Variants in CFAP20DC observed in about 807,000 individuals in gnomAD.
The protein encoded by CFAP20DC is protein CFAP20DC.
A neutral mutation model predicts 101.7 loss-of-function variants in CFAP20DC; 84 were observed. That is an observed-to-expected ratio of 0.83 (90% CI 0.69 to 0.99). The LOEUF is 0.99. Ranked by LOEUF, CFAP20DC falls within the 50% of genes least tolerant of loss-of-function variation. CFAP20DC has a pLI of 0.00. For synonymous variants in CFAP20DC, 359 were observed against 351.2 expected (o/e 1.02, Z -0.25); for missense variants, 1,007 against 970.3 (o/e 1.04, Z -0.50).
intron 14 of CFAP20DC, among the ~76,000 whole-genome samples, chr3:58,830,141 T>TAATGA (rs2076299313): frequency 6.6e-6 from 1 of 152,174 alleles, no homozygotes; most frequent in Non-Finnish European, 1.5e-5. Flanking sequence ...TAGTTGTGTT[T>TAATGA]AATGAAAGCA....
chr3:58,717,138 T>C (rs777972312), downstream of CFAP20DC, among the ~76,000 whole-genome samples: 1 of 151,708 alleles, frequency 6.6e-6, no homozygotes, highest in Admixed American at 6.6e-5. This position sits in a 1 kb window ranked among gnomAD's most constrained non-coding sequence, Gnocchi z 4.1. Flanking sequence ...ATGTCATCAA[T>C]GTAATGAAGC....
At chr3:59,017,526 A>C (rs1338398178) in intron 4 of CFAP20DC, 1 of 152,130 alleles carries the variant, frequency 6.6e-6, no homozygotes, top group Admixed American at 6.5e-5. Context: ...TGATATTGTA[A>C]TCTTTAGTGA....
At chr3:58,942,347 G>T (rs2088724445) in intron 4 of CFAP20DC, among the ~76,000 whole-genome samples, 1 of 152,190 alleles carries the variant, frequency 6.6e-6, no homozygotes. Context: ...GAAGGCAGGT[G>T]ATTTCTGCAT....
chr3:58,860,784 G>C (rs982304953), intron 12 of CFAP20DC, among the ~76,000 whole-genome samples: 1 of 152,142 alleles, frequency 6.6e-6, no homozygotes. Context: ...GTTTCTTTCA[G>C]ATGTTGCAAT....
At chr3:58,939,520 G>A (rs554629267) in intron 4 of CFAP20DC, among the ~76,000 whole-genome samples, 20 of 151,820 alleles carry the variant, frequency 1.3e-4, no homozygotes, top group African/African-American at 4.6e-4. Flanking sequence ...GTGCAGTGGC[G>A]CAATCTCGGC....
chr3:59,014,801 T>G lies in CFAP20DC; in HGVS notation c.278+24756A>C, dbSNP rs531828589. On this transcript the variant is annotated intron_variant, in intron 4 of 16. Coordinates refer to ENST00000482387, the MANE Select transcript of CFAP20DC (RefSeq NM_001394063.1). This position sits in a 1 kb window ranked among gnomAD's most constrained non-coding sequence, Gnocchi z 4.9. ...AGGCAGTAGTACTACATATGGACCA[T>G]GGCTATATGTAGTACTACTCCTTAG... 6.6e-6 allele frequency among the ~76,000 whole-genome samples: 1 copy of G among 152,088 alleles called. No individual in the cohort carries two copies. The highest frequency in any genetic ancestry group is 2.4e-5 in the African/African-American group (1 of 41,418).
At chr3:58,931,961 G>A (rs1481559159) in intron 5 of CFAP20DC, among the ~76,000 whole-genome samples, 1 of 152,158 alleles carries the variant, frequency 6.6e-6, no homozygotes, top group Non-Finnish European at 1.5e-5. Context: ...GGCTTCAGAT[G>A]ATCAAACTAC....
At chr3:58,884,238 C>A (rs552683902) in intron 7 of CFAP20DC, among the ~76,000 whole-genome samples, 1 of 152,296 alleles carries the variant, frequency 6.6e-6, no homozygotes, top group East Asian at 1.9e-4. Flanking sequence ...ATTTAATGTA[C>A]TATTTGCACA....
chr3:58,751,947 G>A (rs2068606418), intron 16 of CFAP20DC, among the ~76,000 whole-genome samples: 1 of 152,028 alleles, frequency 6.6e-6, no homozygotes, highest in African/African-American at 2.4e-5. Flanking sequence ...AATGAATGGT[G>A]TCGTGCAACA....
At chr3:58,934,523 A>G (rs1288438338) in intron 5 of CFAP20DC, among the ~76,000 whole-genome samples, 4 of 152,202 alleles carry the variant, frequency 2.6e-5, no homozygotes, top group African/African-American at 7.2e-5. Flanking sequence ...AAAATCCTCA[A>G]TAAAATACTG....
chr3:58,813,726 G>C (rs1183994606), intron 14 of CFAP20DC, among the ~76,000 whole-genome samples: 2 of 151,828 alleles, frequency 1.3e-5, no homozygotes, highest in Admixed American at 6.6e-5. Flanking sequence ...CACCCCATCT[G>C]ATAATCACAG....
chr3:59,030,742 T>C (rs1414075160), intron 4 of CFAP20DC, among the ~76,000 whole-genome samples: 1 of 152,254 alleles, frequency 6.6e-6, no homozygotes, highest in African/African-American at 2.4e-5. Context: ...TATCAACTGC[T>C]CTCTGGCTAG....
intron 4 of CFAP20DC, among the ~76,000 whole-genome samples, chr3:58,961,110 T>C (rs2091096252): frequency 6.6e-6 from 1 of 152,236 alleles, no homozygotes; most frequent in Admixed American, 6.5e-5. Context: ...CCGTGGTATA[T>C]AATCATTTTT....
At chr3:58,950,308 T>G (rs62252898) in intron 4 of CFAP20DC, among the ~76,000 whole-genome samples, 94 of 152,222 alleles carry the variant, frequency 6.2e-4, no homozygotes, top group Non-Finnish European at 1.0e-3. Flanking sequence ...GTAGGAAGAA[T>G]CAATATTGTG....
chr3:58,717,750 A>G lies in CFAP20DC; in HGVS notation c.198-122T>C. ...GCTTTTTCTGGAAGTCTCATCCTGA[A>G]TACTTTGGCTGGCAACTTATTAGCT... On this transcript the variant is annotated intron_variant, in intron 3 of 3. Transcript: ENST00000486145. The surrounding 1 kb of genome is among the most constrained non-coding windows in gnomAD (Gnocchi z 4.1). 2.9e-6 allele frequency: 1 copy of G among 345,394 alleles called. No individual in the cohort carries two copies. The highest frequency in any genetic ancestry group is 5.7e-6 in the Non-Finnish European group (1 of 175,552). The allele number at this position is 345,394 out of a possible 1,614,324, so 21.4% of individuals were successfully genotyped here. A position where few individuals can be genotyped will look rare whatever the true frequency, so the allele number is the denominator to read the frequency against.
At chr3:59,039,758 C>A in intron 3 of CFAP20DC, 129 bp from the exon 4 acceptor site, 1 of 523,062 alleles carries the variant, frequency 1.9e-6, no homozygotes, top group South Asian at 3.3e-5. Flanking sequence ...CTGCAAATAG[C>A]ACTACCTATG....
intron 6 of CFAP20DC, among the ~76,000 whole-genome samples, chr3:58,896,345 C>T (rs144348002): frequency 2.8e-4 from 42 of 152,080 alleles, no homozygotes; most frequent in African/African-American, 8.9e-4. Context: ...CTCCTGGACT[C>T]GTTGATTTTT....
At chr3:58,935,994 A>G (rs1576383053) in intron 5 of CFAP20DC, among the ~76,000 whole-genome samples, 1 of 152,220 alleles carries the variant, frequency 6.6e-6, no homozygotes, top group East Asian at 1.9e-4. Flanking sequence ...GCAACCTACA[A>G]AATGGGAGAA....
At chr3:58,982,571 C>T (rs1015383673) in intron 4 of CFAP20DC, among the ~76,000 whole-genome samples, 31 of 151,624 alleles carry the variant, frequency 2.0e-4, no homozygotes, top group Non-Finnish European at 3.5e-4. Flanking sequence ...ATGGATGAAA[C>T]TGGAAACCAT....
Sources: allele counts gnomAD v4.1 joint callset (sites outside exome capture counted in the v4.1 genomes callset), GRCh38; gene constraint gnomAD v4.1.1; non-coding constraint Gnocchi (gnomAD v3.1); transcripts MANE v1.5; gene names NCBI Gene and HGNC (gene_info 2026-07-23, HGNC 2026-07-21).